Variants in PLAA observed in about 807,000 individuals in gnomAD.
PLAA encodes the protein phospholipase A2 activating protein.
PLAA carries 48 observed loss-of-function variants against 84.1 expected under a neutral mutation model. The observed-to-expected ratio is 0.57, with a 90% CI of 0.45 to 0.73. The LOEUF (loss-of-function observed/expected upper bound fraction) is 0.73. Ranked by LOEUF, PLAA falls within the 30% of genes least tolerant of loss-of-function variation. PLAA has a pLI of 0.00. For missense variants in PLAA, 903 were observed against 954.7 expected, an observed-to-expected ratio of 0.95 and a Z score of 0.71; for synonymous variants, 392 against 336.6, an observed-to-expected ratio of 1.16 and a Z score of -1.80.
In PLAA at chr9:26,925,268, G is replaced by C. The variant is rs138865174; in HGVS notation, c.869+557C>G. ...TGCTTCAATCCTATTTCTTGCTCAA[G>C]AACTACAACCCTTCAACCCCAGGCA... On this transcript the variant is annotated intron_variant, in intron 6 of 13. Transcript: ENST00000397292. Among the ~76,000 whole-genome samples the C allele has an allele frequency of 7.2e-3, 1,093 of 152,176 alleles. 6 individuals are homozygous for C. Among genetic ancestry groups the C allele is most frequent in the Non-Finnish European group, 0.011 (760 of 68,000 alleles).
Position 26,925,462 on chromosome 9 carries a change from C to T in PLAA, c.869+363G>A, listed in dbSNP as rs539930856. Among the ~76,000 whole-genome samples, 5 of 152,302 alleles carry T rather than the reference C, an allele frequency of 3.3e-5. No individual in the cohort carries two copies. The South Asian group carries it at 6.2e-4, about 19-fold the overall frequency. On this transcript the variant is annotated intron_variant, in intron 6 of 13. Coordinates refer to ENST00000397292, the MANE Select transcript of PLAA (RefSeq NM_001031689.3). The stretch of plus-strand genomic sequence containing the variant: ...TACTCTTAGCTTTGACAAAAATTTG[C>T]GTATCTTTTCTCACTCATAATCTTT...
Position 26,947,023 on chromosome 9 carries a change from T to C in PLAA, c.23A>G (p.Tyr8Cys). 6.3e-7 allele frequency: 1 copy of C among 1,589,246 alleles called. No individual in the cohort carries two copies. Among genetic ancestry groups the C allele is most frequent in the Non-Finnish European group, 8.6e-7 (1 of 1,168,566 alleles). The change falls in exon 1 of 14, where the codon TAC (tyrosine) becomes TGC (cysteine). Residue 8 changes from tyrosine to cysteine, a missense_variant. Physicochemically the swap from Tyr to Cys is radical, Grantham distance 194 (BLOSUM62 -2). Coordinates refer to ENST00000397292, the MANE Select transcript of PLAA (RefSeq NM_001031689.3). ...GCCCCGGAGCGAGCAGCTCAGCCGG[T>C]ACCTGGTTGCGCCGCTCGTCATGGC... MTSGATR[Y>C]RLSCSLRGHE... is the part of the protein sequence containing the mutation.
At chr9:26,921,732 T>C (rs1014860833) in intron 7 of PLAA, among the ~76,000 whole-genome samples, 1 of 152,230 alleles carries the variant, frequency 6.6e-6, no homozygotes, top group African/African-American at 2.4e-5. Context: ...TCTGAGATGG[T>C]ATCAGATACT....
chr9:26,935,167 GCCACTCA>G lies in PLAA; in HGVS notation c.182_188del (p.Met61ThrfsTer22). 1 of 1,595,834 alleles carries G rather than the reference GCCACTCA, an allele frequency of 6.3e-7. No individual in the cohort carries two copies. The highest frequency in any genetic ancestry group is 8.5e-7 in the Non-Finnish European group (1 of 1,174,488). ...ATACACAAGATACAAAATTGGAATG[GCCACTCA>G]TACAGTGCATTTCTGTAAAGCTCCT... On this transcript the variant is annotated frameshift_variant, in exon 2 of 14. Transcript: ENST00000397292. LOFTEE classifies it high-confidence loss of function.
At chr9:26,936,675 T>C (rs1004113638) in intron 1 of PLAA, among the ~76,000 whole-genome samples, 2 of 151,918 alleles carry the variant, frequency 1.3e-5, no homozygotes, top group East Asian at 3.9e-4. Context: ...GGAACTAGGG[T>C]TGGCAAAAAG....
At chr9:26,917,809 A>C (rs1346824795) in intron 9 of PLAA, among the ~76,000 whole-genome samples, 1 of 152,152 alleles carries the variant, frequency 6.6e-6, no homozygotes, top group Non-Finnish European at 1.5e-5. Context: ...CACAAAAAAA[A>C]CAAAAAACAA....
At chr9:26,939,896 T>C (rs2131423053) in intron 1 of PLAA, among the ~76,000 whole-genome samples, 1 of 152,230 alleles carries the variant, frequency 6.6e-6, no homozygotes, top group Non-Finnish European at 1.5e-5. Flanking sequence ...AAACAAAAAC[T>C]GACATAATTG....
rs762205010 is a variant in PLAA at position 26,925,886 on chromosome 9, G to A, written c.808C>T (p.Pro270Ser). The A allele has an allele frequency of 6.2e-7, 1 of 1,613,704 alleles. No homozygotes were observed. The highest frequency in any genetic ancestry group is 1.3e-5 in the African/African-American group (1 of 74,930). The change falls in exon 6 of 14, where the codon CCA becomes TCA. Residue 270 changes from proline (P) to serine (S), a missense_variant. Physicochemically the swap from Pro to Ser is moderately conservative, Grantham distance 74. Coordinates refer to ENST00000397292, the MANE Select transcript of PLAA (RefSeq NM_001031689.3). ...CAGCAGCACCATATAGACTGAGCTG[G>A]AAGTCGGATAGTTTGAGCACATTCC... ...HGECAQTIRL[P>S]AQSIWCCCVL... is the part of the protein sequence containing the mutation.
intron 2 of PLAA, 21 bp from the exon 3 acceptor site, chr9:26,928,429 G>T (rs12002844): frequency 0.046 from 66,221 of 1,444,574 alleles, 2,117 homozygotes; most frequent in African/African-American, 0.15. Context: ...AACATCATTG[G>T]ATAACACATT....
At chr9:26,927,238 A>C (rs1825003497) in intron 4 of PLAA, among the ~76,000 whole-genome samples, 1 of 149,454 alleles carries the variant, frequency 6.7e-6, no homozygotes, top group African/African-American at 2.5e-5. Flanking sequence ...CTTGTGCCTC[A>C]GCCTCCCGAA....
chr9:26,919,241 T>C (rs1407448545), intron 9 of PLAA, 69 bp downstream of exon 9: 12 of 947,066 alleles, frequency 1.3e-5, no homozygotes, highest in Non-Finnish European at 1.9e-5. Context: ...ACATGACTAT[T>C]TGAAAACATC....
At chr9:26,944,663 C>T (rs1170635103) in intron 1 of PLAA, among the ~76,000 whole-genome samples, 1 of 152,214 alleles carries the variant, frequency 6.6e-6, no homozygotes, top group Non-Finnish European at 1.5e-5. Flanking sequence ...GCCACTCTTA[C>T]AGCCACCCAT....
intron 4 of PLAA, among the ~76,000 whole-genome samples, chr9:26,927,389 C>G (rs953019576): frequency 1.3e-5 from 2 of 152,102 alleles, no homozygotes; most frequent in African/African-American, 2.4e-5. Flanking sequence ...TCCCGAAAGG[C>G]TGGGATTACA....
At chr9:26,917,796 G>A (rs1824612097) in intron 9 of PLAA, among the ~76,000 whole-genome samples, 1 of 151,936 alleles carries the variant, frequency 6.6e-6, no homozygotes, top group Admixed American at 6.5e-5. Context: ...TAATCAGGTT[G>A]TCCACAAAAA....
At chr9:26,939,484 CA>C (rs58833364) in intron 1 of PLAA, among the ~76,000 whole-genome samples, 18,918 of 76,918 alleles carry the variant, frequency 0.25, 1,535 homozygotes, top group East Asian at 0.59. Flanking sequence ...GATGAGAGAC[CA>C]AAAAAAAAAA....
chr9:26,924,773 G>C (rs1025833804), intron 6 of PLAA, among the ~76,000 whole-genome samples: 2 of 152,068 alleles, frequency 1.3e-5, no homozygotes, highest in East Asian at 3.9e-4. Flanking sequence ...ATAAAACTTA[G>C]TTCTTAGTCT....
At chr9:26,937,120 G>A (rs1024768560) in intron 1 of PLAA, among the ~76,000 whole-genome samples, 2 of 151,874 alleles carry the variant, frequency 1.3e-5, no homozygotes, top group Non-Finnish European at 2.9e-5. Flanking sequence ...CAGCCTGGGG[G>A]GACAACAGCA....
At position 26,937,065 on chromosome 9, in the gene PLAA, C is replaced by A. The variant is rs550324279; in HGVS notation, c.150-1859G>T. Among the ~76,000 whole-genome samples the A allele has an allele frequency of 7.9e-5, 12 of 152,014 alleles. No homozygotes were observed. In the South Asian group the frequency reaches 2.5e-3, roughly 32 times the overall value. On this transcript the variant is annotated intron_variant, in intron 1 of 13. Coordinates refer to ENST00000397292, the MANE Select transcript of PLAA (RefSeq NM_001031689.3). Reference sequence around the variant, plus strand: ...CCGAGGCAAGAGAATCGCTTGAACCCGGGAGGAGAAGGTTGCAGTGAGCCA... The same window carrying A: ...CCGAGGCAAGAGAATCGCTTGAACCAGGGAGGAGAAGGTTGCAGTGAGCCA...
At chr9:26,924,934 C>T (rs1001354137) in intron 6 of PLAA, among the ~76,000 whole-genome samples, 1 of 152,192 alleles carries the variant, frequency 6.6e-6, no homozygotes, top group Non-Finnish European at 1.5e-5. Context: ...GGCTCACCAC[C>T]ACTGCAGACC....
Sources: allele counts gnomAD v4.1 joint callset (sites outside exome capture counted in the v4.1 genomes callset), GRCh38; gene constraint gnomAD v4.1.1; transcripts MANE v1.5; gene names NCBI Gene and HGNC (gene_info 2026-07-23, HGNC 2026-07-21).